The following CHD6 variants were observed in gnomAD, a reference collection of about 807,000 sequenced individuals.
CHD6 encodes the protein ATP-dependent chromatin remodeler CHD6.
CHD6 carries 50 observed loss-of-function variants against 276.9 expected under a neutral mutation model. The observed-to-expected ratio is 0.18, with a 90% CI of 0.14 to 0.23. The LOEUF (loss-of-function observed/expected upper bound fraction) is 0.23, where lower values mean the gene tolerates loss of function less well. CHD6 is among the 10% of genes least tolerant of loss of function. The pLI, the probability that CHD6 is intolerant of heterozygous loss-of-function variation, is 1.00. For missense variants in CHD6, 2,564 were observed against 3,365.8 expected, an observed-to-expected ratio of 0.76 and a Z score of 5.89; for synonymous variants, 1,173 against 1,229.3, an observed-to-expected ratio of 0.95 and a Z score of 0.96.
intron 17 of CHD6, among the ~76,000 whole-genome samples, chr20:41,465,203 T>G (rs561042658): frequency 6.6e-6 from 1 of 152,244 alleles, no homozygotes; most frequent in Non-Finnish European, 1.5e-5. Flanking sequence ...AAATATTCAC[T>G]CAGAAGATAC....
chr20:41,519,661 T>C (rs569492086), intron 3 of CHD6, among the ~76,000 whole-genome samples: 4 of 152,124 alleles, frequency 2.6e-5, no homozygotes, highest in Non-Finnish European at 4.4e-5. Flanking sequence ...TTACACCTTA[T>C]ACAAAATTAA....
chr20:41,414,999 G>A (rs2046949297), intron 34 of CHD6, 187 bp downstream of exon 34: 5 of 1,422,988 alleles, frequency 3.5e-6, no homozygotes, highest in Non-Finnish European at 2.7e-6. Context: ...CAGATTAAGC[G>A]CCATTAATGA....
Position 41,413,366 on chromosome 20 carries a change from C to A in CHD6, c.7089G>T (p.Arg2363Ser). The change falls in exon 35 of 37, where the codon AGG (arginine) becomes AGT (serine). Residue 2363 changes from arginine to serine, a missense_variant. By Grantham distance (110) the Arg-to-Ser change is moderately radical. Transcript: ENST00000373233. ...CTTCTAAGGAGTAGTCAGCCTGCTGCCTTAGCCAGTCAAGCAGACTCTTGC... is the reference window on the plus strand; with the variant it reads ...CTTCTAAGGAGTAGTCAGCCTGCTGACTTAGCCAGTCAAGCAGACTCTTGC... ...IPSKSLLDWL[R>S]QQADYSLEVP... 6.2e-7 allele frequency: 1 copy of A among 1,611,770 alleles called. No individual in the cohort carries two copies. The highest frequency in any genetic ancestry group is 8.5e-7 in the Non-Finnish European group (1 of 1,179,820).
At chr20:41,467,807 T>G (rs1360459700) in intron 17 of CHD6, among the ~76,000 whole-genome samples, 1 of 122,534 alleles carries the variant, frequency 8.2e-6, no homozygotes. Context: ...CAGAAAGGAG[T>G]TAAAAAAAAA....
Position 41,415,495 on chromosome 20 carries a change from G to A in CHD6, c.6630C>T (p.Gly2210=). 1.9e-6 allele frequency: 3 copies of A among 1,613,974 alleles called. No homozygotes were observed. The highest frequency in any genetic ancestry group is 2.5e-6 in the Non-Finnish European group (3 of 1,179,956). ...GGTCCATAGCTGACTCCCCATGCCA[G>A]CCATTGAGGATGATAGGGGTGTGCC... ...THGHTPIILN[G]WHGESAMDLS... The change falls in exon 34 of 37, where the codon GGC becomes GGT. Residue 2210 remains glycine (G), a synonymous_variant. Transcript: ENST00000373233.
chr20:41,530,772 TAA>T (rs948060567), intron 3 of CHD6, among the ~76,000 whole-genome samples: 1 of 152,188 alleles, frequency 6.6e-6, no homozygotes, highest in African/African-American at 2.4e-5. Flanking sequence ...AACTCTAAAA[TAA>T]AGAGAAAGCT....
At chr20:41,570,058 T>C (rs2045400796) in intron 1 of CHD6, among the ~76,000 whole-genome samples, 1 of 152,106 alleles carries the variant, frequency 6.6e-6, no homozygotes, top group Non-Finnish European at 1.5e-5. Flanking sequence ...CAGTTTGGAG[T>C]ACAACAAATT....
At chr20:41,433,378 A>AT (rs2047604407) in intron 27 of CHD6, among the ~76,000 whole-genome samples, 1 of 152,180 alleles carries the variant, frequency 6.6e-6, no homozygotes, top group African/African-American at 2.4e-5. Context: ...GAAAAGACAC[A>AT]TTACCAATAG....
intron 1 of CHD6, among the ~76,000 whole-genome samples, chr20:41,585,191 C>T (rs1167710486): frequency 6.6e-6 from 1 of 152,136 alleles, no homozygotes; most frequent in East Asian, 1.9e-4. Context: ...AAAGTGAAAG[C>T]TACCGAAGCT....
intron 2 of CHD6, among the ~76,000 whole-genome samples, chr20:41,538,986 C>T (rs1034170892): frequency 2.6e-5 from 4 of 152,190 alleles, no homozygotes; most frequent in Non-Finnish European, 5.9e-5. Context: ...TCTTGCTCCA[C>T]TGACCCCATA....
At chr20:41,447,108 A>G (rs2048093223) in intron 24 of CHD6, among the ~76,000 whole-genome samples, 1 of 152,140 alleles carries the variant, frequency 6.6e-6, no homozygotes, top group African/African-American at 2.4e-5. Context: ...AAGTTGCCCC[A>G]TGGGTCGGGT....
chr20:41,514,666 C>T (rs1273840790), intron 4 of CHD6, 139 bp downstream of exon 4: 4 of 880,764 alleles, frequency 4.5e-6, no homozygotes, highest in Non-Finnish European at 5.2e-6. Context: ...TCTACCTGCT[C>T]ACCCACCAAA....
chr20:41,485,141 A>T (rs1241144096), intron 14 of CHD6, among the ~76,000 whole-genome samples: 1 of 152,088 alleles, frequency 6.6e-6, no homozygotes, highest in Non-Finnish European at 1.5e-5. Flanking sequence ...GGTGACATCT[A>T]CTCTATCATG....
At position 41,441,607 on chromosome 20, in the gene CHD6, G is replaced by A. The variant is rs538527382; in HGVS notation, c.3878-1478C>T. Among the ~76,000 whole-genome samples, 4 of 152,298 alleles carry A rather than the reference G, an allele frequency of 2.6e-5. No individual in the cohort carries two copies. The South Asian group carries it at 8.3e-4, about 32-fold the overall frequency. ...CATGGAGCAAGCTGCGACCCTCCCTGACCTGGGCAAGCTTCTATTCTGTAG... is the reference window on the plus strand; with the variant it reads ...CATGGAGCAAGCTGCGACCCTCCCTAACCTGGGCAAGCTTCTATTCTGTAG... On this transcript the variant is annotated intron_variant, in intron 25 of 36. Coordinates refer to ENST00000373233, the MANE Select transcript of CHD6 (RefSeq NM_032221.5).
In CHD6 at chr20:41,452,828, G is replaced by A. The variant is rs190859261; in HGVS notation, c.3235C>T (p.Pro1079Ser). 1.1e-5 allele frequency: 17 copies of A among 1,613,416 alleles called. No homozygotes were observed. In the East Asian group the frequency reaches 3.8e-4, roughly 36 times the overall value. ...SELDSDSDER[P>S]TRSRRLNDKA... Reference sequence around the variant, plus strand: ...TCATTGAGGCGCCTGGATCTCGTGGGCCTTTCGTCTGAGTCGCTGTCTAAC... The same window carrying A: ...TCATTGAGGCGCCTGGATCTCGTGGACCTTTCGTCTGAGTCGCTGTCTAAC... The change falls in exon 21 of 37, where the codon CCC becomes TCC. Residue 1079 changes from proline (P) to serine (S), a missense_variant. By Grantham distance (74) the Pro-to-Ser change is moderately conservative. Coordinates refer to ENST00000373233, the MANE Select transcript of CHD6 (RefSeq NM_032221.5). This position sits in a 1 kb window ranked among gnomAD's most constrained non-coding sequence, Gnocchi z 4.2.
chr20:41,444,873 G>A (rs1316608707), intron 25 of CHD6, among the ~76,000 whole-genome samples: 2 of 152,196 alleles, frequency 1.3e-5, no homozygotes, highest in African/African-American at 4.8e-5. Flanking sequence ...ACACATTTTA[G>A]TAAGTAGTGG....
intron 17 of CHD6, among the ~76,000 whole-genome samples, chr20:41,466,379 G>T (rs1031096298): frequency 6.6e-6 from 1 of 152,002 alleles, no homozygotes; most frequent in Admixed American, 6.5e-5. Flanking sequence ...GGTATAGCAG[G>T]ATATAGTGAT....
chr20:41,564,278 A>G (rs113496314), intron 1 of CHD6: 7 of 574,116 alleles, frequency 1.2e-5, no homozygotes, highest in African/African-American at 5.6e-5. Flanking sequence ...AAAACAGCAT[A>G]TAAGACACAA....
intron 2 of CHD6, among the ~76,000 whole-genome samples, chr20:41,542,201 G>A (rs2044955942): frequency 6.6e-6 from 1 of 152,170 alleles, no homozygotes; most frequent in South Asian, 2.1e-4. Flanking sequence ...AGAATTATTT[G>A]GTGATATATT....
Sources: allele counts gnomAD v4.1 joint callset (sites outside exome capture counted in the v4.1 genomes callset), GRCh38; gene constraint gnomAD v4.1.1; non-coding constraint Gnocchi (gnomAD v3.1); transcripts MANE v1.5; gene names NCBI Gene and HGNC (gene_info 2026-07-23, HGNC 2026-07-21).